The following TLL2 variants were observed in gnomAD, a reference collection of about 807,000 sequenced individuals.
TLL2 encodes tolloid-like protein 2.
A neutral mutation model predicts 123.0 loss-of-function variants in TLL2; 106 were observed. The ratio of observed to expected loss-of-function variants is 0.86; its 90% CI spans 0.74 to 1.01. The LOEUF is 1.01. Among genes scored for constraint, TLL2 ranks in the 50% least tolerant of loss-of-function variants. TLL2 has a pLI of 0.00. For missense variants in TLL2, 1,332 were observed against 1,336.7 expected (o/e 1.00, Z 0.06); for synonymous variants, 494 against 516.8 (o/e 0.96, Z 0.60).
chr10:96,365,589 C>T lies in TLL2; in HGVS notation c.*2499G>A, dbSNP rs1042197086. The T allele has an allele frequency of 6.6e-6, 1 of 152,236 alleles. No homozygotes were observed. The highest frequency in any genetic ancestry group is 2.4e-5 in the African/African-American group (1 of 41,456). The allele number at this position is 152,236 out of a possible 1,614,324, so 9.4% of individuals were successfully genotyped here. A position where few individuals can be genotyped will look rare whatever the true frequency, so the allele number is the denominator to read the frequency against. ...GCTGCAGTGATATCTTCTACCTCTG[C>T]TGTTTGCTTCTGGGGATGCTTGCAG... On this transcript the variant is annotated 3_prime_UTR_variant, in exon 21 of 21. Coordinates refer to ENST00000357947, the MANE Select transcript of TLL2 (RefSeq NM_012465.4).
At chr10:96,456,481 G>A (rs903939046) in intron 2 of TLL2, among the ~76,000 whole-genome samples, 3 of 152,130 alleles carry the variant, frequency 2.0e-5, no homozygotes, top group Non-Finnish European at 2.9e-5. Flanking sequence ...CTGGTAACCC[G>A]CTCTCTGCCT....
chr10:96,501,842 T>A (rs1371709858), intron 1 of TLL2, among the ~76,000 whole-genome samples: 1 of 152,216 alleles, frequency 6.6e-6, no homozygotes, highest in African/African-American at 2.4e-5. Flanking sequence ...AGTTTTCCAT[T>A]TGACAAATAC....
intron 18 of TLL2, chr10:96,374,100 T>C (rs1306873047): frequency 7.8e-6 from 3 of 386,914 alleles, no homozygotes; most frequent in Non-Finnish European, 1.4e-5. Flanking sequence ...ATGCTTGACA[T>C]TTTGACAGCT....
intron 1 of TLL2, among the ~76,000 whole-genome samples, chr10:96,489,296 G>T (rs1279906083): frequency 6.6e-6 from 1 of 152,220 alleles, no homozygotes; most frequent in Non-Finnish European, 1.5e-5. Context: ...GGAGGCCAAG[G>T]TGGGAACATC....
intron 2 of TLL2, among the ~76,000 whole-genome samples, chr10:96,476,762 C>T (rs1847257152): frequency 6.6e-6 from 1 of 151,904 alleles, no homozygotes; most frequent in East Asian, 1.9e-4. Context: ...GAGACCACAA[C>T]GTGCTGCATG....
intron 4 of TLL2, 87 bp downstream of exon 4, chr10:96,432,720 C>T (rs1846757201): frequency 6.6e-7 from 1 of 1,524,910 alleles, no homozygotes; most frequent in South Asian, 1.3e-5. Flanking sequence ...CTGCTCCATC[C>T]CACCCGGGTC....
At chr10:96,389,796 C>A (rs533103923) in intron 13 of TLL2, among the ~76,000 whole-genome samples, 1 of 152,188 alleles carries the variant, frequency 6.6e-6, no homozygotes, top group Non-Finnish European at 1.5e-5. Context: ...GGACCTAGGG[C>A]AAAAGCAAAG....
chr10:96,503,624 A>G (rs1847554157), intron 1 of TLL2, among the ~76,000 whole-genome samples: 1 of 152,130 alleles, frequency 6.6e-6, no homozygotes, highest in African/African-American at 2.4e-5. Context: ...GAGTGGTTGG[A>G]CCCATCACCC....
chr10:96,448,306 G>T (rs1271385021), intron 2 of TLL2, among the ~76,000 whole-genome samples: 1 of 152,216 alleles, frequency 6.6e-6, no homozygotes, highest in African/African-American at 2.4e-5. Flanking sequence ...CGGGCTAAAG[G>T]TCAGGGGAAT....
chr10:96,377,744 C>T (rs1340388210), intron 17 of TLL2, among the ~76,000 whole-genome samples: 1 of 152,198 alleles, frequency 6.6e-6, no homozygotes, highest in Non-Finnish European at 1.5e-5. Flanking sequence ...CGAGGATGTT[C>T]CAAAGAGATT....
chr10:96,509,962 T>C (rs552804899), intron 1 of TLL2, among the ~76,000 whole-genome samples: 2 of 151,958 alleles, frequency 1.3e-5, no homozygotes, highest in Admixed American at 6.6e-5. Context: ...AGTAAATAAA[T>C]AAATAAATAA....
chr10:96,395,454 C>T, intron 12 of TLL2, 72 bp from the exon 13 acceptor site: 1 of 1,437,412 alleles, frequency 7.0e-7, no homozygotes, highest in South Asian at 1.4e-5. Flanking sequence ...AAGAAGAGAA[C>T]CCAAATATCA....
At chr10:96,369,526 C>G (rs1195060521) in intron 20 of TLL2, among the ~76,000 whole-genome samples, 2 of 152,048 alleles carry the variant, frequency 1.3e-5, no homozygotes, top group Non-Finnish European at 2.9e-5. Flanking sequence ...TTTGGAAGGA[C>G]GAGGCAGGTG....
chr10:96,442,464 G>C (rs1023605927), intron 3 of TLL2, among the ~76,000 whole-genome samples: 15 of 152,236 alleles, frequency 9.9e-5, no homozygotes, highest in Non-Finnish European at 1.8e-4. Context: ...AGGATGGAGG[G>C]ACTGGTTAGA....
intron 16 of TLL2, 119 bp from the exon 17 acceptor site, chr10:96,379,211 C>T (rs1846165046): frequency 2.3e-6 from 3 of 1,304,078 alleles, no homozygotes; most frequent in African/African-American, 2.9e-5. Context: ...CTCCCCTTCC[C>T]CCTCTGATTG....
intron 7 of TLL2, among the ~76,000 whole-genome samples, chr10:96,417,917 T>A (rs1417159548): frequency 3.3e-5 from 5 of 152,156 alleles, no homozygotes; most frequent in African/African-American, 1.2e-4. Flanking sequence ...AAGCTGCTGT[T>A]TTAAGTCACT....
rs942880113 is a variant in TLL2, at chr10:96,378,874, C to T, written c.2320+93G>A. 7 of 1,523,392 alleles carry T rather than the reference C, an allele frequency of 4.6e-6. 1 individual carries two copies. Among genetic ancestry groups the T allele is most frequent in the East Asian group, 4.6e-5 (2 of 43,696 alleles). The allele number at this position is 1,523,392 out of a possible 1,614,324, so 94.4% of individuals were successfully genotyped here. A position where few individuals can be genotyped will look rare whatever the true frequency, so the allele number is the denominator to read the frequency against. On this transcript the variant is annotated intron_variant, in intron 17 of 20. Transcript: ENST00000357947. ...CAGCTCAGAAGGTGGAAGAGGTCCT[C>T]GCCGCACCTCCTTACTCATGCACAT...
At position 96,395,190 on chromosome 10, in the gene TLL2, T is replaced by C. The variant is rs1437345755; in HGVS notation, c.1723A>G (p.Lys575Glu). 2 of 1,603,096 alleles carry C rather than the reference T, an allele frequency of 1.2e-6. No individual in the cohort carries two copies. The highest frequency in any genetic ancestry group is 1.7e-5 in the Admixed American group (1 of 58,096). The change falls in exon 13 of 21, where the codon AAG becomes GAG. Residue 575 changes from lysine to glutamate, a missense_variant. Transcript: ENST00000357947. ...GAAACAAACTGCTAATTCATACCCT[T>C]GAAAAAATTGGCTGCAAAGCCCGCT... ...NKAGFAANFF[K>E]EVDECSWPDH...
chr10:96,488,461 C>T (rs577612862), intron 1 of TLL2, among the ~76,000 whole-genome samples: 7 of 152,322 alleles, frequency 4.6e-5, no homozygotes, highest in African/African-American at 1.7e-4. Context: ...TCCCACACTG[C>T]GGTCCTGCAG....
Sources: gnomAD v4.1 joint callset for allele counts (sites outside exome capture counted in the v4.1 genomes callset) on GRCh38, gnomAD v4.1.1 for gene constraint, MANE v1.5 for transcripts, NCBI Gene and HGNC (gene_info 2026-07-23, HGNC 2026-07-21) for gene names.